FBLN1: variants seen among roughly 807,000 people sequenced by gnomAD.
FBLN1 encodes fibulin-1.
Under a neutral mutation model 89.7 loss-of-function variants are expected in FBLN1, and 34 were observed. That is an observed-to-expected ratio of 0.38 (90% CI 0.29 to 0.50). FBLN1 has a LOEUF of 0.50. Among genes scored for constraint, FBLN1 ranks in the 20% least tolerant of loss-of-function variants. FBLN1 has a pLI of 0.92. For missense variants in FBLN1, 777 were observed against 988.1 expected, an observed-to-expected ratio of 0.79 and a Z score of 2.86; for synonymous variants, 393 against 391.3, an observed-to-expected ratio of 1.00 and a Z score of -0.05.
In FBLN1 at chr22:45,533,907, T is replaced by C. The variant is rs768455798; in HGVS notation, c.784+9T>C. 6 of 1,613,678 alleles carry C rather than the reference T, an allele frequency of 3.7e-6. No individual in the cohort carries two copies. Among genetic ancestry groups the C allele is most frequent in the Admixed American group, 3.3e-5 (2 of 60,002 alleles). ...GGACAATAGCTGCAAAGGTACAGCA[T>C]GCGCTCCGAGTCTGCAAACCTGGTC... On this transcript the variant is annotated intron_variant, in intron 7 of 16. Coordinates refer to ENST00000327858, the MANE Select transcript of FBLN1 (RefSeq NM_006486.3).
chr22:45,544,061 C>T (rs1215025535), intron 11 of FBLN1, among the ~76,000 whole-genome samples: 2 of 150,096 alleles, frequency 1.3e-5, no homozygotes, highest in Admixed American at 6.6e-5. Context: ...GCCTTTAGGG[C>T]GTGGGTCACT....
rs148657887 is a variant in FBLN1 at position 45,589,833 on chromosome 22, C to A, written c.1973-10474C>A. 3.3e-3 allele frequency among the ~76,000 whole-genome samples: 496 copies of A among 152,248 alleles called. 1 individual carries two copies. Among genetic ancestry groups the A allele is most frequent in the Middle Eastern group, 0.014 (4 of 292 alleles). ...TCCACCCTCCCCGCAGAGCACCCTCCCCGCAGAGCACCCTCCCATCGCCCT... is the reference window on the plus strand; with the variant it reads ...TCCACCCTCCCCGCAGAGCACCCTCACCGCAGAGCACCCTCCCATCGCCCT... On this transcript the variant is annotated intron_variant, in intron 16 of 16. Coordinates refer to ENST00000327858, the MANE Select transcript of FBLN1 (RefSeq NM_006486.3).
Position 45,532,017 on chromosome 22 carries a change from A to C in FBLN1, c.544+693A>C, listed in dbSNP as rs889239944. ...TAAGGGCCTCGCAGGTTTGTTTTTC[A>C]TATGATAAAACTGCTTTTCTTTCAT... On this transcript the variant is annotated intron_variant, in intron 5 of 16. Transcript: ENST00000327858. The surrounding 1 kb of genome is among the most constrained non-coding windows in gnomAD (Gnocchi z 4.2). Among the ~76,000 whole-genome samples the C allele has an allele frequency of 3.3e-5, 5 of 152,210 alleles. No homozygotes were observed. The highest frequency in any genetic ancestry group is 7.3e-5 in the Non-Finnish European group (5 of 68,032).
chr22:45,528,111 C>G, intron 4 of FBLN1, 102 bp downstream of exon 4: 4 of 1,334,804 alleles, frequency 3.0e-6, no homozygotes, highest in Non-Finnish European at 4.1e-6. Context: ...GGACTTGGCT[C>G]ATGTGATCGT....
At chr22:45,595,008 C>T (rs1239299614) in intron 16 of FBLN1, among the ~76,000 whole-genome samples, 2 of 152,138 alleles carry the variant, frequency 1.3e-5, no homozygotes, top group Non-Finnish European at 2.9e-5. Context: ...AACTGAGGAC[C>T]AGCTGAACTG....
At chr22:45,596,160 C>CGT (rs2089184298) in intron 16 of FBLN1, among the ~76,000 whole-genome samples, 1 of 152,238 alleles carries the variant, frequency 6.6e-6, no homozygotes, top group Non-Finnish European at 1.5e-5. Context: ...TGAGCCACTA[C>CGT]GCCCGGCCAA....
At chr22:45,542,131 A>T (rs1602191775) in intron 9 of FBLN1, 24 bp from the exon 10 acceptor site, 1 of 1,614,062 alleles carries the variant, frequency 6.2e-7, no homozygotes, top group East Asian at 2.2e-5. Context: ...GGTTTTCATC[A>T]TGGCTTTCTT....
chr22:45,564,585 C>A (rs1413511500), intron 14 of FBLN1, among the ~76,000 whole-genome samples: 1 of 152,254 alleles, frequency 6.6e-6, no homozygotes, highest in East Asian at 1.9e-4. Context: ...CCTGCCACCC[C>A]TGGCTTCTGT....
At position 45,575,610 on chromosome 22, in the gene FBLN1, G is replaced by A. The variant is rs3788654; in HGVS notation, c.1840+957G>A. 0.06 allele frequency among the ~76,000 whole-genome samples: 9,108 copies of A among 152,218 alleles called. 297 individuals are homozygous for A. The highest frequency in any genetic ancestry group is 0.14 in the South Asian group (663 of 4,820). On this transcript the variant is annotated intron_variant, in intron 15 of 16. Transcript: ENST00000327858. This position sits in a 1 kb window ranked among gnomAD's most constrained non-coding sequence, Gnocchi z 6.3. ...ACTGGAGGGGCCAGACGGGGAGCAGGAAGCTCAGGTGTAACCCAGTCAGTG... is the reference window on the plus strand; with the variant it reads ...ACTGGAGGGGCCAGACGGGGAGCAGAAAGCTCAGGTGTAACCCAGTCAGTG...
chr22:45,535,087 G>A, intron 7 of FBLN1, 113 bp from the exon 8 acceptor site: 1 of 1,226,382 alleles, frequency 8.2e-7, no homozygotes, highest in Non-Finnish European at 1.2e-6. Flanking sequence ...AATGTTTTGG[G>A]TTATAGTCTG....
In FBLN1 at chr22:45,600,832, C is replaced by A; in HGVS notation, c.*386C>A. On this transcript the variant is annotated 3_prime_UTR_variant, in exon 17 of 17. Coordinates refer to ENST00000327858, the MANE Select transcript of FBLN1 (RefSeq NM_006486.3). ...TTGTATGAAATTTGACATTTTGGCA[C>A]TTTTTTTTTTTTTTTGGCCAATCAG... is the stretch of plus-strand genomic sequence containing the variant. 2 of 254,094 alleles carry A rather than the reference C, an allele frequency of 7.9e-6. No homozygotes were observed. Among genetic ancestry groups the A allele is most frequent in the African/African-American group, 2.5e-5 (1 of 40,382 alleles). The allele number at this position is 254,094 out of a possible 1,614,324, so 15.7% of individuals were successfully genotyped here.
At chr22:45,512,049 C>T (rs2088108642) in intron 1 of FBLN1, among the ~76,000 whole-genome samples, 1 of 152,038 alleles carries the variant, frequency 6.6e-6, no homozygotes, top group Non-Finnish European at 1.5e-5. Context: ...CCCTGCTTCT[C>T]TCTTGATCCC....
chr22:45,518,726 C>G lies in FBLN1; in HGVS notation c.124C>G (p.Arg42Gly). 1.2e-6 allele frequency: 2 copies of G among 1,612,036 alleles called. No homozygotes were observed. Among genetic ancestry groups the G allele is most frequent in the Non-Finnish European group, 1.7e-6 (2 of 1,179,198 alleles). The change falls in exon 2 of 17, where the codon CGG becomes GGG. Residue 42 changes from arginine (R) to glycine (G), a missense_variant. Coordinates refer to ENST00000327858, the MANE Select transcript of FBLN1 (RefSeq NM_006486.3). The stretch of plus-strand genomic sequence containing the variant: ...GGAGGCCTGCTGTGCGGACGGACAC[C>G]GGATGGCCACTCATCAGAAGGACTG... ...LLEACCADGH[R>G]MATHQKDCSL...
intron 14 of FBLN1, chr22:45,558,848 T>G (rs1333925736): frequency 6.6e-6 from 1 of 152,278 alleles, no homozygotes; most frequent in East Asian, 1.9e-4. Context: ...CCCTGAATTT[T>G]ATTATCAGAT....
At position 45,548,634 on chromosome 22, in the gene FBLN1, C is replaced by G; in HGVS notation, c.1463C>G (p.Pro488Arg). The change falls in exon 13 of 17, where the codon CCC (proline) becomes CGC (arginine). Residue 488 changes from proline to arginine, a missense_variant. Coordinates refer to ENST00000327858, the MANE Select transcript of FBLN1 (RefSeq NM_006486.3). Reference sequence around the variant, plus strand: ...GCAGACATCGACGAGTGCGCCCTGCCCACCGGGGGCCACATCTGCTCCTAC... The same window carrying G: ...GCAGACATCGACGAGTGCGCCCTGCGCACCGGGGGCCACATCTGCTCCTAC... ...TCEDIDECALPTGGHICSYRC... is the reference protein window; with the variant it reads ...TCEDIDECALRTGGHICSYRC... The G allele has an allele frequency of 6.2e-7, 1 of 1,613,758 alleles. No individual in the cohort carries two copies. Among genetic ancestry groups the G allele is most frequent in the Non-Finnish European group, 8.5e-7 (1 of 1,180,018 alleles).
At chr22:45,518,871 CCT>C (rs1446376409) in intron 2 of FBLN1, 84 bp downstream of exon 2, 1 of 1,253,714 alleles carries the variant, frequency 8.0e-7, no homozygotes. Flanking sequence ...GTGTGCCAGA[CCT>C]CTCGGGAGAG....
At chr22:45,528,732 CACTT>C (rs149121636) in intron 4 of FBLN1, among the ~76,000 whole-genome samples, 8,411 of 152,246 alleles carry the variant, frequency 0.055, 460 homozygotes, top group Admixed American at 0.16. Flanking sequence ...GCCCAATTGA[CACTT>C]ACGATGAACC....
intron 1 of FBLN1, among the ~76,000 whole-genome samples, chr22:45,513,046 A>G (rs2088122454): frequency 6.6e-6 from 1 of 152,232 alleles, no homozygotes; most frequent in African/African-American, 2.4e-5. Context: ...CGTGTAAACC[A>G]TTGCATACAC....
intron 3 of FBLN1, among the ~76,000 whole-genome samples, chr22:45,527,305 C>G (rs570458315): frequency 1.3e-5 from 2 of 152,272 alleles, no homozygotes; most frequent in East Asian, 3.9e-4. Flanking sequence ...AGACAGCCAC[C>G]CTGTCCTTTG....
Sources: allele counts gnomAD v4.1 joint callset (sites outside exome capture counted in the v4.1 genomes callset), GRCh38; gene constraint gnomAD v4.1.1; non-coding constraint Gnocchi (gnomAD v3.1); transcripts MANE v1.5; gene names NCBI Gene and HGNC (gene_info 2026-07-23, HGNC 2026-07-21).